KIAA0825: variants seen among roughly 807,000 people sequenced by gnomAD.
The protein encoded by KIAA0825 is uncharacterized protein KIAA0825.
KIAA0825 carries 119 observed loss-of-function variants against 147.6 expected under a neutral mutation model. The observed-to-expected ratio is 0.81, with a 90% CI of 0.69 to 0.94. The LOEUF (loss-of-function observed/expected upper bound fraction) is 0.94. KIAA0825 is among the 40% of genes least tolerant of loss of function. The probability of loss-of-function intolerance (pLI) is 0.00; values close to 1 mark genes in which losing one functional copy is unlikely to be tolerated. For synonymous variants in KIAA0825, 470 were observed against 518.1 expected (o/e 0.91, Z 1.26); for missense variants, 1,381 against 1,472.7 (o/e 0.94, Z 1.02).
At chr5:94,600,846 C>G (rs1786278952) in intron 1 of KIAA0825, among the ~76,000 whole-genome samples, 1 of 152,182 alleles carries the variant, frequency 6.6e-6, no homozygotes, top group Admixed American at 6.5e-5. Context: ...TGTTTCTCCT[C>G]ACTGGATGGG....
chr5:94,553,515 A>G (rs1401683508), intron 2 of KIAA0825, among the ~76,000 whole-genome samples: 1 of 151,728 alleles, frequency 6.6e-6, no homozygotes, highest in Non-Finnish European at 1.5e-5. Context: ...TGTAATCCCC[A>G]GCAATTTGGG....
chr5:94,451,367 C>A (rs953989107), intron 13 of KIAA0825, among the ~76,000 whole-genome samples: 1 of 152,130 alleles, frequency 6.6e-6, no homozygotes, highest in Non-Finnish European at 1.5e-5. Context: ...ACTTTGTCAA[C>A]CTCTCTGATT....
intron 20 of KIAA0825, among the ~76,000 whole-genome samples, chr5:94,326,723 G>C (rs1270438600): frequency 2.6e-5 from 4 of 152,150 alleles, no homozygotes; most frequent in Non-Finnish European, 4.4e-5. Context: ...CTTCATCAAT[G>C]ATGCCTTTGC....
At chr5:94,513,113 T>C (rs1584739615) in intron 5 of KIAA0825, among the ~76,000 whole-genome samples, 1 of 152,306 alleles carries the variant, frequency 6.6e-6, no homozygotes, top group Non-Finnish European at 1.5e-5. Context: ...TGTTCACTTT[T>C]AGTATAGTTT....
chr5:94,406,324 G>A (rs1261231566), intron 15 of KIAA0825, among the ~76,000 whole-genome samples: 2 of 152,238 alleles, frequency 1.3e-5, no homozygotes, highest in East Asian at 3.9e-4. Context: ...TAACTGCTCT[G>A]CAATGCACTA....
chr5:94,246,960 T>C (rs1392331388), intron 20 of KIAA0825, among the ~76,000 whole-genome samples: 1 of 152,204 alleles, frequency 6.6e-6, no homozygotes, highest in South Asian at 2.1e-4. Context: ...GGAAGGAATT[T>C]GGTCGTTTCT....
intron 20 of KIAA0825, among the ~76,000 whole-genome samples, chr5:94,353,768 G>T (rs539391665): frequency 1.3e-5 from 2 of 152,166 alleles, no homozygotes; most frequent in East Asian, 3.9e-4. Flanking sequence ...TAAAAGTTAT[G>T]CACTGATGTA....
intron 5 of KIAA0825, among the ~76,000 whole-genome samples, chr5:94,488,688 C>T (rs1763353251): frequency 6.6e-6 from 1 of 151,908 alleles, no homozygotes; most frequent in Non-Finnish European, 1.5e-5. Flanking sequence ...ATTTCTATGC[C>T]ACACTCAGGG....
intron 20 of KIAA0825, among the ~76,000 whole-genome samples, chr5:94,191,752 T>G (rs948082624): frequency 6.6e-6 from 1 of 152,234 alleles, no homozygotes; most frequent in African/African-American, 2.4e-5. Flanking sequence ...GTACCCCAGA[T>G]GCCAGCGGAG....
chr5:94,374,235 T>C (rs1465323153), intron 20 of KIAA0825, among the ~76,000 whole-genome samples: 1 of 152,196 alleles, frequency 6.6e-6, no homozygotes, highest in African/African-American at 2.4e-5. Flanking sequence ...CAAGCAAAAA[T>C]TCTCCCATGG....
At chr5:94,288,243 T>G (rs1777738225) in intron 20 of KIAA0825, among the ~76,000 whole-genome samples, 1 of 152,124 alleles carries the variant, frequency 6.6e-6, no homozygotes, top group Non-Finnish European at 1.5e-5. Context: ...ATAGCATCCC[T>G]CTAAGCCCTC....
At chr5:94,449,870 G>T (rs1227072667) in intron 13 of KIAA0825, among the ~76,000 whole-genome samples, 2 of 152,192 alleles carry the variant, frequency 1.3e-5, no homozygotes, top group Non-Finnish European at 2.9e-5. Context: ...CTTGAGGTCA[G>T]GAGTTTGAGG....
chr5:94,455,047 G>A (rs35004031), intron 12 of KIAA0825, among the ~76,000 whole-genome samples: 19,967 of 152,048 alleles, frequency 0.13, 1,650 homozygotes, highest in Non-Finnish European at 0.18. Context: ...GCGGACATCC[G>A]AAGTACATCC....
Position 94,490,297 on chromosome 5 carries a change from G to A in KIAA0825, c.971-5367C>T, listed in dbSNP as rs964039049. Among the ~76,000 whole-genome samples, 10 of 152,090 alleles carry A rather than the reference G, an allele frequency of 6.6e-5. No individual in the cohort carries two copies. The South Asian group carries it at 1.7e-3, about 25-fold the overall frequency. On this transcript the variant is annotated intron_variant, in intron 5 of 20. Transcript: ENST00000682413. ...TCCCATCGATCCTAGAAATAGTTAG[G>A]TTCAGGCCAGAACAAAGTAAGATTT...
At chr5:94,464,064 CAAAAAAAAA>C (rs11364703) in intron 11 of KIAA0825, among the ~76,000 whole-genome samples, 1 of 90,288 alleles carries the variant, frequency 1.1e-5, no homozygotes, top group African/African-American at 4.2e-5. Flanking sequence ...TTCCTCCTGC[CAAAAAAAAA>C]AAAAAAAAAA....
chr5:94,586,496 G>A lies in KIAA0825; in HGVS notation c.-152-3913C>T, dbSNP rs543439947. 8.5e-5 allele frequency among the ~76,000 whole-genome samples: 13 copies of A among 152,306 alleles called. No individual in the cohort carries two copies. In the South Asian group the frequency reaches 2.5e-3, roughly 29 times the overall value. ...CTTCTCAAGACTAAATCAGGAAGAA[G>A]CTGAATCTCTGAATAGATGAATAAC... On this transcript the variant is annotated intron_variant, in intron 1 of 20. Transcript: ENST00000682413.
At chr5:94,605,891 T>C (rs889906616) in intron 1 of KIAA0825, among the ~76,000 whole-genome samples, 4 of 152,204 alleles carry the variant, frequency 2.6e-5, no homozygotes, top group African/African-American at 9.7e-5. Context: ...CCATTCAACA[T>C]AGTATCAAAA....
intron 20 of KIAA0825, among the ~76,000 whole-genome samples, chr5:94,254,422 G>T (rs1776132199): frequency 6.6e-6 from 1 of 152,020 alleles, no homozygotes; most frequent in Non-Finnish European, 1.5e-5. Flanking sequence ...TGTCTTAAGT[G>T]GTATTGGTCA....
rs1453329852 is a variant in KIAA0825 at position 94,152,535 on chromosome 5, T to A, written c.*1472A>T. 6.7e-6 allele frequency among the ~76,000 whole-genome samples: 1 copy of A among 149,748 alleles called. No homozygotes were observed. Among genetic ancestry groups the A allele is most frequent in the Non-Finnish European group, 1.5e-5 (1 of 67,426 alleles). Reference sequence around the variant, plus strand: ...AGACCCCATCTCTACAAAAACATTTTAAAAATTAACCAGGTGTGGTGGCAC... The same window carrying A: ...AGACCCCATCTCTACAAAAACATTTAAAAAATTAACCAGGTGTGGTGGCAC... On this transcript the variant is annotated 3_prime_UTR_variant, in exon 21 of 21. Coordinates refer to ENST00000682413, the MANE Select transcript of KIAA0825 (RefSeq NM_001145678.3).
Sources: allele counts gnomAD v4.1 joint callset (sites outside exome capture counted in the v4.1 genomes callset), GRCh38; gene constraint gnomAD v4.1.1; transcripts MANE v1.5; gene names NCBI Gene and HGNC (gene_info 2026-07-23, HGNC 2026-07-21).